Variants in SOX5 observed in about 807,000 individuals in gnomAD.
The protein encoded by SOX5 is SRY-box transcription factor 5.
In SOX5, 9 loss-of-function variants were observed where a neutral mutation model predicts 92.0. That is an observed-to-expected ratio of 0.10 (90% confidence interval 0.06 to 0.17). The LOEUF (loss-of-function observed/expected upper bound fraction) is 0.17. Ranked by LOEUF, SOX5 falls within the 10% of genes least tolerant of loss-of-function variation. The pLI is 1.00. For synonymous variants in SOX5, 344 were observed against 336.3 expected (o/e 1.02, Z -0.25); for missense variants, 642 against 944.5 (o/e 0.68, Z 4.20).
chr12:23,876,936 T>C (rs1007542069), intron 2 of SOX5, among the ~76,000 whole-genome samples: 12 of 152,040 alleles, frequency 7.9e-5, no homozygotes, highest in African/African-American at 2.4e-4. Flanking sequence ...TAAGTGGGAA[T>C]TGAACAATGA....
chr12:23,638,287 T>C (rs2079549874), intron 8 of SOX5: 1 of 152,142 alleles, frequency 6.6e-6, no homozygotes, highest in South Asian at 2.1e-4. Flanking sequence ...TTATTTCTGG[T>C]CTCTAGAGCT....
At chr12:24,471,164 C>T (rs780219651) in intron 1 of SOX5, among the ~76,000 whole-genome samples, 1 of 152,230 alleles carries the variant, frequency 6.6e-6, no homozygotes, top group African/African-American at 2.4e-5. Flanking sequence ...TCTACACATC[C>T]TTAGAGTTGG....
chr12:24,384,219 T>A (rs1958131568), intron 1 of SOX5, among the ~76,000 whole-genome samples: 1 of 152,090 alleles, frequency 6.6e-6, no homozygotes, highest in East Asian at 1.9e-4. Flanking sequence ...TCATAAGGAG[T>A]GCACAACCTA....
intron 4 of SOX5, among the ~76,000 whole-genome samples, chr12:23,996,032 A>T (rs1951000444): frequency 6.6e-6 from 1 of 152,212 alleles, no homozygotes; most frequent in Non-Finnish European, 1.5e-5. Context: ...AGAATGACTC[A>T]TTTAATAAGG....
chr12:23,996,648 T>C (rs979326340), intron 4 of SOX5, among the ~76,000 whole-genome samples: 1 of 152,208 alleles, frequency 6.6e-6, no homozygotes, highest in African/African-American at 2.4e-5. Context: ...GAATTACTAA[T>C]ACATATTACA....
At chr12:24,512,723 G>A (rs1400212087) in intron 1 of SOX5, among the ~76,000 whole-genome samples, 3 of 152,282 alleles carry the variant, frequency 2.0e-5, no homozygotes, top group Non-Finnish European at 1.5e-5. Context: ...GTCTTCAACC[G>A]TAAAATAAAG....
intron 3 of SOX5, among the ~76,000 whole-genome samples, chr12:23,767,020 G>T (rs2094752903): frequency 6.6e-6 from 1 of 151,998 alleles, no homozygotes; most frequent in South Asian, 2.1e-4. Flanking sequence ...TAATAGCCTG[G>T]GCAAAATTGA....
chr12:23,563,119 C>T (rs1946500575), intron 11 of SOX5, 139 bp downstream of exon 11: 4 of 648,448 alleles, frequency 6.2e-6, no homozygotes, highest in African/African-American at 3.7e-5. Context: ...GGCGATGAGG[C>T]CTTCTATATT....
intron 1 of SOX5, among the ~76,000 whole-genome samples, chr12:24,438,439 AT>A (rs1256230179): frequency 5.3e-5 from 8 of 150,776 alleles, no homozygotes; most frequent in East Asian, 4.3e-4. Context: ...GTTAAAAAAA[AT>A]ATACATATAT....
intron 3 of SOX5, among the ~76,000 whole-genome samples, chr12:24,265,487 T>A (rs1037164602): frequency 5.3e-5 from 8 of 152,160 alleles, no homozygotes; most frequent in African/African-American, 1.4e-4. Context: ...GAGATTGTAG[T>A]GAGCTGAGGT....
chr12:24,457,662 C>A (rs1943167024), intron 1 of SOX5, among the ~76,000 whole-genome samples: 1 of 151,962 alleles, frequency 6.6e-6, no homozygotes, highest in African/African-American at 2.4e-5. Context: ...AAAAGAATTT[C>A]CCAATATCAG....
intron 4 of SOX5, among the ~76,000 whole-genome samples, chr12:23,978,552 T>C (rs957055819): frequency 1.3e-5 from 2 of 152,188 alleles, no homozygotes; most frequent in African/African-American, 2.4e-5. Context: ...CATTATGCAG[T>C]CCTTCGTCAC....
chr12:24,244,635 A>G (rs542967088), intron 3 of SOX5, among the ~76,000 whole-genome samples: 1 of 152,372 alleles, frequency 6.6e-6, no homozygotes, highest in East Asian at 1.9e-4. Flanking sequence ...AGATACATCA[A>G]CACAGGTGAA....
At chr12:24,076,889 T>A (rs1942689641) in intron 4 of SOX5, among the ~76,000 whole-genome samples, 1 of 140,848 alleles carries the variant, frequency 7.1e-6, no homozygotes, top group African/African-American at 2.5e-5. Context: ...TATACTGACT[T>A]TTCAAATGTG....
intron 3 of SOX5, among the ~76,000 whole-genome samples, chr12:24,228,761 C>G (rs1962676033): frequency 6.6e-6 from 1 of 152,142 alleles, no homozygotes; most frequent in African/African-American, 2.4e-5. Context: ...TCCTTCATTT[C>G]CATGCTAATC....
At chr12:24,353,000 G>A (rs1954287021) in intron 2 of SOX5, among the ~76,000 whole-genome samples, 1 of 152,224 alleles carries the variant, frequency 6.6e-6, no homozygotes, top group South Asian at 2.1e-4. Flanking sequence ...CACATGCCCA[G>A]GGGATGGGGG....
intron 4 of SOX5, among the ~76,000 whole-genome samples, chr12:24,030,014 G>T (rs1955306542): frequency 6.6e-6 from 1 of 151,846 alleles, no homozygotes; most frequent in Non-Finnish European, 1.5e-5. Context: ...GGTACGTGTT[G>T]TTTTCACCTT....
Position 24,206,807 on chromosome 12 carries a change from T to G in SOX5, c.-2+6536A>C, listed in dbSNP as rs1958064375. Among the ~76,000 whole-genome samples the G allele has an allele frequency of 2.0e-5, 3 of 152,318 alleles. No individual in the cohort carries two copies. The South Asian group carries it at 6.2e-4, about 32-fold the overall frequency. ...CCAGCAGAAGGTCACACTGATGACT[T>G]CCCTGTGGCTTGTATTTTCCCCAGG... On this transcript the variant is annotated intron_variant, in intron 4 of 4. Transcript: ENST00000446891.
chr12:23,919,794 T>C (rs747164937), intron 1 of SOX5, among the ~76,000 whole-genome samples: 5 of 152,172 alleles, frequency 3.3e-5, no homozygotes, highest in African/African-American at 4.8e-5. Flanking sequence ...CTACTGGAGA[T>C]TTTCTCTGAA....
Sources: allele counts gnomAD v4.1 joint callset (sites outside exome capture counted in the v4.1 genomes callset), GRCh38; gene constraint gnomAD v4.1.1; transcripts MANE v1.5; gene names NCBI Gene and HGNC (gene_info 2026-07-23, HGNC 2026-07-21).